CAMK1D: variants seen among roughly 807,000 people sequenced by gnomAD.
The protein encoded by CAMK1D is calcium/calmodulin dependent protein kinase ID.
Under a neutral mutation model 47.7 loss-of-function variants are expected in CAMK1D, and 9 were observed. The observed-to-expected ratio is 0.19, with a 90% confidence interval of 0.11 to 0.33. The LOEUF (loss-of-function observed/expected upper bound fraction) is 0.33. Among genes scored for constraint, CAMK1D ranks in the 10% least tolerant of loss-of-function variants. The pLI, the probability that CAMK1D is intolerant of heterozygous loss-of-function variation, is 1.00. For missense variants in CAMK1D, 291 were observed against 488.7 expected (o/e 0.60, Z 3.81); for synonymous variants, 184 against 184.9 (o/e 0.99, Z 0.04).
chr10:12,824,616 T>G, intron 9 of CAMK1D, 64 bp downstream of exon 9: 1 of 1,283,810 alleles, frequency 7.8e-7, no homozygotes, highest in Non-Finnish European at 1.1e-6. Context: ...CCCTCCAATC[T>G]GAGCATTTCT....
chr10:12,432,428 CA>C (rs922580270), intron 1 of CAMK1D, among the ~76,000 whole-genome samples: 6 of 152,088 alleles, frequency 3.9e-5, no homozygotes, highest in Admixed American at 3.3e-4. Context: ...AATGAATAAA[CA>C]AATGAATGAG....
chr10:12,683,015 A>G (rs960167697), intron 3 of CAMK1D, among the ~76,000 whole-genome samples: 1 of 151,300 alleles, frequency 6.6e-6, no homozygotes, highest in Non-Finnish European at 1.5e-5. Context: ...TCTGCCTCCC[A>G]GGTTCAGGCG....
chr10:12,818,195 C>G (rs1454999678), intron 8 of CAMK1D, among the ~76,000 whole-genome samples: 1 of 152,190 alleles, frequency 6.6e-6, no homozygotes, highest in East Asian at 1.9e-4. Flanking sequence ...GGTCAGCCTT[C>G]TAAAGGGGAC....
chr10:12,769,476 G>T (rs1292457581), intron 4 of CAMK1D, among the ~76,000 whole-genome samples, 197 bp from the exon 5 acceptor site: 1 of 152,180 alleles, frequency 6.6e-6, no homozygotes, highest in Non-Finnish European at 1.5e-5. Context: ...TTGATTGAAA[G>T]CCTGTGTGTG....
intron 2 of CAMK1D, among the ~76,000 whole-genome samples, chr10:12,644,404 C>A (rs1290906285): frequency 6.6e-6 from 1 of 152,050 alleles, no homozygotes; most frequent in Non-Finnish European, 1.5e-5. Flanking sequence ...TCATTTTTTG[C>A]GACCCATCAA....
chr10:12,630,492 T>C (rs1463289437), intron 2 of CAMK1D, among the ~76,000 whole-genome samples: 1 of 152,134 alleles, frequency 6.6e-6, no homozygotes, highest in East Asian at 1.9e-4. Context: ...TCTCCCTGCT[T>C]CTGCCTCCTG....
At chr10:12,636,183 G>C (rs1588716217) in intron 2 of CAMK1D, among the ~76,000 whole-genome samples, 1 of 152,142 alleles carries the variant, frequency 6.6e-6, no homozygotes, top group East Asian at 1.9e-4. Flanking sequence ...AAATACCCTT[G>C]GAGGTTTTCC....
intron 3 of CAMK1D, among the ~76,000 whole-genome samples, chr10:12,720,048 T>G (rs1168507363): frequency 6.6e-6 from 1 of 152,212 alleles, no homozygotes; most frequent in African/African-American, 2.4e-5. Context: ...CAAGCTCCCA[T>G]GTGATACCAA....
chr10:12,531,077 A>G (rs1395578529), intron 1 of CAMK1D, among the ~76,000 whole-genome samples: 1 of 148,746 alleles, frequency 6.7e-6, no homozygotes, highest in African/African-American at 2.5e-5. Context: ...AAAAAAGTTG[A>G]GATTGTCCAG....
At chr10:12,793,038 G>C (rs1035521025) in intron 6 of CAMK1D, among the ~76,000 whole-genome samples, 1 of 151,760 alleles carries the variant, frequency 6.6e-6, no homozygotes, top group African/African-American at 2.4e-5. Flanking sequence ...ATTGTCCTGG[G>C]TAAGCAGACA....
At chr10:12,502,239 A>G (rs1108959) in intron 1 of CAMK1D, among the ~76,000 whole-genome samples, 37,092 of 152,108 alleles carry the variant, frequency 0.24, 4,662 homozygotes, top group Middle Eastern at 0.28. Context: ...AGCTTTAGGA[A>G]GGTATTCAAT....
intron 1 of CAMK1D, among the ~76,000 whole-genome samples, chr10:12,502,250 G>C (rs79423964): frequency 0.019 from 2,819 of 152,274 alleles, 73 homozygotes; most frequent in South Asian, 0.091. Context: ...GGTATTCAAT[G>C]GTGCTGGGCA....
At chr10:12,447,783 G>A (rs1832963678) in intron 1 of CAMK1D, among the ~76,000 whole-genome samples, 1 of 152,218 alleles carries the variant, frequency 6.6e-6, no homozygotes, top group Non-Finnish European at 1.5e-5. Context: ...TCCTGCCTCA[G>A]CCTCCTGAGT....
At chr10:12,469,119 A>G (rs1413526590) in intron 1 of CAMK1D, among the ~76,000 whole-genome samples, 1 of 151,686 alleles carries the variant, frequency 6.6e-6, no homozygotes, top group Non-Finnish European at 1.5e-5. Context: ...TGAGGAGAGG[A>G]GGGGGGCGGT....
chr10:12,586,792 A>G (rs1233488084), intron 2 of CAMK1D, among the ~76,000 whole-genome samples: 3 of 152,270 alleles, frequency 2.0e-5, no homozygotes. Context: ...ATGTAATCTC[A>G]TAAAAAAGAG....
intron 8 of CAMK1D, among the ~76,000 whole-genome samples, chr10:12,820,038 T>C (rs1832960110): frequency 1.3e-5 from 2 of 152,170 alleles, no homozygotes; most frequent in African/African-American, 4.8e-5. Flanking sequence ...GAGTTCAGCC[T>C]GGGCCACGCT....
intron 10 of CAMK1D, among the ~76,000 whole-genome samples, chr10:12,827,142 T>C (rs1399214077): frequency 6.6e-6 from 1 of 151,096 alleles, no homozygotes; most frequent in African/African-American, 2.4e-5. Flanking sequence ...TCCTTTCTTT[T>C]TCTTTCCCTC....
intron 1 of CAMK1D, among the ~76,000 whole-genome samples, chr10:12,457,639 G>A (rs954765293): frequency 7.9e-5 from 12 of 151,734 alleles, no homozygotes; most frequent in Non-Finnish European, 1.6e-4. Flanking sequence ...AAATTAGCTG[G>A]GTGTAGTGGC....
chr10:12,745,440 A>C (rs1835626498), intron 3 of CAMK1D, among the ~76,000 whole-genome samples: 1 of 151,982 alleles, frequency 6.6e-6, no homozygotes, highest in South Asian at 2.1e-4. Flanking sequence ...AATACTAGAA[A>C]CAGAATGTGG....
Sources: allele counts gnomAD v4.1 joint callset (sites outside exome capture counted in the v4.1 genomes callset), GRCh38; gene constraint gnomAD v4.1.1; transcripts MANE v1.5; gene names NCBI Gene and HGNC (gene_info 2026-07-23, HGNC 2026-07-21).